RNF180: variants seen among roughly 807,000 people sequenced by gnomAD.
RNF180 encodes the protein E3 ubiquitin-protein ligase RNF180.
RNF180 carries 38 observed loss-of-function variants against 59.2 expected under a neutral mutation model. The ratio of observed to expected loss-of-function variants is 0.64; its 90% confidence interval spans 0.50 to 0.84. The LOEUF (loss-of-function observed/expected upper bound fraction) is 0.84, where lower values mean the gene tolerates loss of function less well. Ranked by LOEUF, RNF180 falls within the 40% of genes least tolerant of loss-of-function variation. The pLI is 0.00. For synonymous variants in RNF180, 262 were observed against 240.3 expected (o/e 1.09, Z -0.84); for missense variants, 705 against 700.9 (o/e 1.01, Z -0.07).
At chr5:64,322,216 C>T (rs887363997) in intron 5 of RNF180, among the ~76,000 whole-genome samples, 2 of 152,038 alleles carry the variant, frequency 1.3e-5, no homozygotes, top group East Asian at 3.9e-4. Flanking sequence ...TCAGAGTAAA[C>T]AGGCAAGCTA....
intron 5 of RNF180, among the ~76,000 whole-genome samples, chr5:64,280,846 GTAGT>G (rs1266183905): frequency 1.3e-5 from 2 of 152,134 alleles, no homozygotes; most frequent in Non-Finnish European, 2.9e-5. Flanking sequence ...AATGTCATTG[GTAGT>G]TTGATAGAAA....
chr5:64,177,393 A>C (rs1750295042), intron 1 of RNF180, among the ~76,000 whole-genome samples: 1 of 151,690 alleles, frequency 6.6e-6, no homozygotes, highest in African/African-American at 2.4e-5. Context: ...TGACTCCCTA[A>C]TTCTTGTTTC....
At chr5:64,335,511 A>T (rs375537063) in intron 7 of RNF180, among the ~76,000 whole-genome samples, 2 of 150,676 alleles carry the variant, frequency 1.3e-5, no homozygotes, top group Admixed American at 1.3e-4. Flanking sequence ...GTTTCTTTGG[A>T]TTTTTTTCCT....
At chr5:64,224,616 G>A (rs945500396) in intron 5 of RNF180, among the ~76,000 whole-genome samples, 2 of 152,172 alleles carry the variant, frequency 1.3e-5, no homozygotes, top group Non-Finnish European at 2.9e-5. Flanking sequence ...GAGCTACTAG[G>A]TCACTGGAGT....
At chr5:64,214,723 G>GA (rs960339868) in intron 4 of RNF180, among the ~76,000 whole-genome samples, 2 of 152,032 alleles carry the variant, frequency 1.3e-5, no homozygotes, top group Admixed American at 1.3e-4. Context: ...TGCATGTTTA[G>GA]AAAAAACCTC....
chr5:64,279,511 A>G (rs1257262020), intron 5 of RNF180, among the ~76,000 whole-genome samples: 1 of 152,212 alleles, frequency 6.6e-6, no homozygotes, highest in Non-Finnish European at 1.5e-5. Context: ...AGGGAAGGCC[A>G]TGTCAAGAGA....
chr5:64,206,032 A>G (rs1652891583), intron 2 of RNF180, among the ~76,000 whole-genome samples: 1 of 152,188 alleles, frequency 6.6e-6, no homozygotes, highest in African/African-American at 2.4e-5. Flanking sequence ...AGAAGATCAG[A>G]CATTTCCTTC....
Position 64,325,341 on chromosome 5 carries a change from C to A in RNF180, c.1383C>A (p.Ala461=), listed in dbSNP as rs1329293115. 6.4e-7 allele frequency: 1 copy of A among 1,551,510 alleles called. No individual in the cohort carries two copies. The highest frequency in any genetic ancestry group is 1.4e-5 in the African/African-American group (1 of 73,020). Residue 461 remains alanine, a synonymous_variant, in exon 6 of 8, where the codon GCC becomes GCA. Transcript: ENST00000389100. The stretch of plus-strand genomic sequence containing the variant: ...GTGAGCCCTGCTTACGGACTCTGGC[C>A]AAAGACAATCCTTCAAGCACTCCAT... ...IFCEPCLRTL[A]KDNPSSTPCP...
chr5:64,312,232 C>T (rs1054908154), intron 5 of RNF180, among the ~76,000 whole-genome samples: 1 of 151,988 alleles, frequency 6.6e-6, no homozygotes, highest in Non-Finnish European at 1.5e-5. Flanking sequence ...CATTTTTGGC[C>T]ACTTGTAACA....
intron 2 of RNF180, among the ~76,000 whole-genome samples, chr5:64,209,469 T>C (rs1365957416): frequency 1.3e-5 from 2 of 152,066 alleles, no homozygotes; most frequent in Admixed American, 6.6e-5. Context: ...TAGATGTACC[T>C]TTATGCAACA....
chr5:64,213,154 A>G (rs1476760048), intron 3 of RNF180, among the ~76,000 whole-genome samples: 1 of 152,180 alleles, frequency 6.6e-6, no homozygotes, highest in Non-Finnish European at 1.5e-5. Flanking sequence ...AGTGCTTGGT[A>G]TGCAAGAAGT....
chr5:64,319,611 T>C (rs1744240456), intron 5 of RNF180, among the ~76,000 whole-genome samples: 1 of 152,238 alleles, frequency 6.6e-6, no homozygotes, highest in Non-Finnish European at 1.5e-5. Flanking sequence ...TTTCAAAGTC[T>C]AGAGCTTTCC....
At chr5:64,286,730 A>C (rs1291412969) in intron 5 of RNF180, among the ~76,000 whole-genome samples, 1 of 152,230 alleles carries the variant, frequency 6.6e-6, no homozygotes, top group African/African-American at 2.4e-5. Context: ...AATCCAGTTA[A>C]GGTATTAACT....
At chr5:64,331,481 G>C (rs1744904354) in intron 7 of RNF180, among the ~76,000 whole-genome samples, 1 of 152,148 alleles carries the variant, frequency 6.6e-6, no homozygotes, top group South Asian at 2.1e-4. Context: ...GACTCAGGCA[G>C]ACAGTGGGAC....
At chr5:64,281,619 C>A (rs1742014035) in intron 5 of RNF180, among the ~76,000 whole-genome samples, 2 of 152,128 alleles carry the variant, frequency 1.3e-5, no homozygotes, top group African/African-American at 4.8e-5. Flanking sequence ...CTGCCTCAGC[C>A]TCCTGAGTAG....
chr5:64,243,648 TG>T (rs1742963941), intron 5 of RNF180, among the ~76,000 whole-genome samples: 1 of 152,064 alleles, frequency 6.6e-6, no homozygotes, highest in Non-Finnish European at 1.5e-5. Context: ...GGGGAAGGGG[TG>T]GCTGTGGGCA....
At chr5:64,271,984 A>C (rs1326105936) in intron 5 of RNF180, among the ~76,000 whole-genome samples, 1 of 152,060 alleles carries the variant, frequency 6.6e-6, no homozygotes, top group African/African-American at 2.4e-5. Context: ...AATATATAAA[A>C]TACAATAGAC....
At chr5:64,277,978 T>G (rs1741817650) in intron 5 of RNF180, among the ~76,000 whole-genome samples, 1 of 152,182 alleles carries the variant, frequency 6.6e-6, no homozygotes, top group South Asian at 2.1e-4. Flanking sequence ...AAGTATTGGT[T>G]TATCCAACCA....
Position 64,326,405 on chromosome 5 carries a change from A to G in RNF180, c.1453+994A>G, listed in dbSNP as rs546325574. ...ATTTGCTAAGCATACATTGCTTACT[A>G]TAGTGACTCACATATTGTAAAATCT... On this transcript the variant is annotated intron_variant, in intron 6 of 7. Transcript: ENST00000389100. 1.2e-3 allele frequency among the ~76,000 whole-genome samples: 183 copies of G among 152,282 alleles called. 2 individuals are homozygous for G. Among genetic ancestry groups the G allele is most frequent in the Non-Finnish European group, 2.3e-3 (153 of 67,994 alleles).
Sources: allele counts gnomAD v4.1 joint callset (sites outside exome capture counted in the v4.1 genomes callset), GRCh38; gene constraint gnomAD v4.1.1; transcripts MANE v1.5; gene names NCBI Gene and HGNC (gene_info 2026-07-23, HGNC 2026-07-21).